The following SPIRE2 variants were observed in gnomAD, a reference collection of about 807,000 sequenced individuals.
SPIRE2 encodes protein spire homolog 2.
SPIRE2 carries 76 observed loss-of-function variants against 80.7 expected under a neutral mutation model. That is an observed-to-expected ratio of 0.94 (90% CI 0.78 to 1.14). The LOEUF (loss-of-function observed/expected upper bound fraction) is 1.14. Ranked by LOEUF, SPIRE2 falls within the 50% of genes most tolerant of loss-of-function variation. The pLI is 0.00. For synonymous variants in SPIRE2, 535 were observed against 432.6 expected (o/e 1.24, Z -2.94); for missense variants, 1,196 against 1,015.3 (o/e 1.18, Z -2.42).
chr16:89,843,002 G>T (rs1406912802), intron 1 of SPIRE2, among the ~76,000 whole-genome samples: 1 of 152,246 alleles, frequency 6.6e-6, no homozygotes, highest in Non-Finnish European at 1.5e-5. Flanking sequence ...ATGATTTCAT[G>T]GCTTAGATAT....
Position 89,855,584 on chromosome 16 carries a change from G to A in SPIRE2, c.892-16G>A, listed in dbSNP as rs1387958885. On this transcript the variant is annotated splice_polypyrimidine_tract_variant and intron_variant, in intron 5 of 14. Transcript: ENST00000378247. ...ATGGTCCCTGCAGGGCCTCAGATCA[G>A]CCGTCCTCCCCGCAGGTGGATGGGG... 3.1e-6 allele frequency: 5 copies of A among 1,610,638 alleles called. No individual in the cohort carries two copies. Among genetic ancestry groups the A allele is most frequent in the African/African-American group, 1.3e-5 (1 of 75,020 alleles).
chr16:89,862,834 C>G (rs2041756383), intron 10 of SPIRE2: 1 of 153,142 alleles, frequency 6.5e-6, no homozygotes, highest in Admixed American at 6.5e-5. Flanking sequence ...ATGACCGACA[C>G]TGCGAACGCT....
At position 89,860,484 on chromosome 16, in the gene SPIRE2, C is replaced by T. The variant is rs571696027; in HGVS notation, c.1463-199C>T. Among the ~76,000 whole-genome samples the T allele has an allele frequency of 6.6e-5, 10 of 152,158 alleles. No individual in the cohort carries two copies. The East Asian group carries it at 1.7e-3, about 27-fold the overall frequency. ...CTACGTTGCCCAGGGTGGTCTCAAG[C>T]TCCTAGGCTCAAGGTTCCACCCGCC... On this transcript the variant is annotated intron_variant, in intron 9 of 14. Coordinates refer to ENST00000378247, the MANE Select transcript of SPIRE2 (RefSeq NM_032451.2).
rs1412010576 is a variant in SPIRE2 at position 89,828,595 on chromosome 16, G to T, written c.45G>T (p.Gly15=). The part of the protein sequence containing the change: ...GSCGGAAAGA[G]RPEPWELSLE... Reference sequence around the variant, plus strand: ...GCGGCGGCGCCGCGGCGGGCGCAGGGCGGCCGGAGCCCTGGGAGCTGTCCC... The same window carrying T: ...GCGGCGGCGCCGCGGCGGGCGCAGGTCGGCCGGAGCCCTGGGAGCTGTCCC... The change falls in exon 1 of 15, where the codon GGG becomes GGT. Residue 15 remains glycine, a synonymous_variant. Coordinates refer to ENST00000378247, the MANE Select transcript of SPIRE2 (RefSeq NM_032451.2). This position sits in a 1 kb window ranked among gnomAD's most constrained non-coding sequence, Gnocchi z 5.9. 2 of 1,209,776 alleles carry T rather than the reference G, an allele frequency of 1.7e-6. No homozygotes were observed. The highest frequency in any genetic ancestry group is 8.1e-5 in the East Asian group (2 of 24,574). The allele number at this position is 1,209,776 out of a possible 1,614,324, so 74.9% of individuals were successfully genotyped here. A position where few individuals can be genotyped will look rare whatever the true frequency, so the allele number is the denominator to read the frequency against.
At chr16:89,841,394 T>G (rs2041504113) in intron 1 of SPIRE2, among the ~76,000 whole-genome samples, 1 of 152,110 alleles carries the variant, frequency 6.6e-6, no homozygotes, top group African/African-American at 2.4e-5. Context: ...TGGAGAGAAT[T>G]TTTTAGATAA....
chr16:89,832,024 G>C (rs1465836043), intron 1 of SPIRE2, among the ~76,000 whole-genome samples: 2 of 152,206 alleles, frequency 1.3e-5, no homozygotes, highest in African/African-American at 4.8e-5. Context: ...CCCTCCTCTG[G>C]TTCCCTCCAT....
At chr16:89,858,690 C>G (rs892910337) in intron 8 of SPIRE2, among the ~76,000 whole-genome samples, 183 bp downstream of exon 8, 1 of 152,240 alleles carries the variant, frequency 6.6e-6, no homozygotes, top group Non-Finnish European at 1.5e-5. Flanking sequence ...ACCCTGCCAT[C>G]TTGGCCGCTC....
chr16:89,843,887 G>T (rs2041531717), intron 1 of SPIRE2, among the ~76,000 whole-genome samples: 1 of 144,514 alleles, frequency 6.9e-6, no homozygotes, highest in Non-Finnish European at 1.5e-5. Context: ...TTTTTGGAGA[G>T]ATGAGGTTTC....
chr16:89,833,231 C>T (rs981981832), intron 1 of SPIRE2, among the ~76,000 whole-genome samples: 8 of 151,982 alleles, frequency 5.3e-5, no homozygotes, highest in Non-Finnish European at 1.2e-4. Context: ...TCAGGTGATC[C>T]GCCTGCCTTG....
chr16:89,854,047 A>G (rs1415367751), intron 3 of SPIRE2, among the ~76,000 whole-genome samples: 1 of 152,242 alleles, frequency 6.6e-6, no homozygotes, highest in Non-Finnish European at 1.5e-5. Context: ...GGCCCACCTG[A>G]GGAAATGCTG....
In SPIRE2 at chr16:89,870,260, T is replaced by A; in HGVS notation, c.2133T>A (p.Leu711=). 6.3e-7 allele frequency: 1 copy of A among 1,591,702 alleles called. No individual in the cohort carries two copies. The highest frequency in any genetic ancestry group is 8.6e-7 in the Non-Finnish European group (1 of 1,169,028). The change falls in exon 15 of 15, where the codon CTT becomes CTA. Residue 711 remains leucine, a synonymous_variant. Coordinates refer to ENST00000378247, the MANE Select transcript of SPIRE2 (RefSeq NM_032451.2). ...QSLYIPNTRT[L]DFK ...TCTACATCCCTAACACCAGGACTCT[T>A]GACTTCAAGTGACAGCCCCAGGTGG...
intron 1 of SPIRE2, among the ~76,000 whole-genome samples, chr16:89,830,755 CCAA>C (rs1159784725): frequency 6.6e-6 from 1 of 150,794 alleles, no homozygotes; most frequent in Non-Finnish European, 1.5e-5. Context: ...TTGAAAAAAA[CCAA>C]CAACAAACTA....
chr16:89,839,514 G>C lies in SPIRE2; in HGVS notation c.245-5808G>C, dbSNP rs183794440. Among the ~76,000 whole-genome samples, 29 of 152,260 alleles carry C rather than the reference G, an allele frequency of 1.9e-4. 1 individual carries two copies. In the East Asian group the frequency reaches 2.5e-3, roughly 13 times the overall value. ...GCCTGCTTTGGGCTGTTGCTAGTTC[G>C]TGGGTCTGCCAGGAATGGGTGTGCT... On this transcript the variant is annotated intron_variant, in intron 1 of 14. Transcript: ENST00000378247.
chr16:89,857,132 A>G (rs564116170), intron 7 of SPIRE2, among the ~76,000 whole-genome samples: 10 of 126,900 alleles, frequency 7.9e-5, no homozygotes, highest in Admixed American at 1.8e-4. Context: ...GGAATTTCCT[A>G]TATCTTTTTT....
chr16:89,841,581 G>C (rs1301633390), intron 1 of SPIRE2, among the ~76,000 whole-genome samples: 4 of 152,188 alleles, frequency 2.6e-5, no homozygotes. Context: ...CCATTTATTA[G>C]GGGTATGGTC....
In SPIRE2 at chr16:89,858,460, C is replaced by G; in HGVS notation, c.1225C>G (p.Leu409Val). ...SAQRPRPRVLLKAPTLAEMEE... is the reference protein window; with the variant it reads ...SAQRPRPRVLVKAPTLAEMEE... ...CCAGCGCCCGCGGCCCCGCGTGCTG[C>G]TCAAGGCGCCTACCTTGGCTGAAAT... Residue 409 changes from leucine (L) to valine (V), a missense_variant, in exon 8 of 15, where the codon CTC (leucine) becomes GTC (valine). By Grantham distance (32) the Leu-to-Val change is conservative. Coordinates refer to ENST00000378247, the MANE Select transcript of SPIRE2 (RefSeq NM_032451.2). 1.9e-6 allele frequency: 3 copies of G among 1,609,112 alleles called. No individual in the cohort carries two copies. The highest frequency in any genetic ancestry group is 2.5e-6 in the Non-Finnish European group (3 of 1,178,446).
intron 1 of SPIRE2, among the ~76,000 whole-genome samples, chr16:89,832,107 G>T (rs1339118752): frequency 6.6e-6 from 1 of 152,262 alleles, no homozygotes; most frequent in African/African-American, 2.4e-5. Context: ...ATGGCAGCGC[G>T]TGCCCGCGTG....
At chr16:89,867,567 T>C (rs940514362) in intron 12 of SPIRE2, among the ~76,000 whole-genome samples, 2 of 150,626 alleles carry the variant, frequency 1.3e-5, no homozygotes, top group African/African-American at 4.9e-5. Context: ...AAAATCTGCT[T>C]AAGAGGGACT....
intron 1 of SPIRE2, among the ~76,000 whole-genome samples, chr16:89,839,174 T>C (rs1279909825): frequency 1.3e-5 from 2 of 151,926 alleles, no homozygotes; most frequent in Non-Finnish European, 1.5e-5. Context: ...ACCCCATCTC[T>C]AAAAATACAA....
Sources: allele counts gnomAD v4.1 joint callset (sites outside exome capture counted in the v4.1 genomes callset), GRCh38; gene constraint gnomAD v4.1.1; non-coding constraint Gnocchi (gnomAD v3.1); transcripts MANE v1.5; gene names NCBI Gene and HGNC (gene_info 2026-07-23, HGNC 2026-07-21).